PPP1R37: variants seen among roughly 807,000 people sequenced by gnomAD.
PPP1R37 encodes protein phosphatase 1 regulatory subunit 37, also known as leucine rich repeat containing 68.
PPP1R37 carries 21 observed loss-of-function variants against 61.0 expected under a neutral mutation model. The observed-to-expected ratio is 0.34, with a 90% CI of 0.24 to 0.50. The LOEUF is 0.50. Ranked by LOEUF, PPP1R37 falls within the 20% of genes least tolerant of loss-of-function variation. PPP1R37 has a pLI of 0.98. For missense variants in PPP1R37, 910 were observed against 952.7 expected (o/e 0.96, Z 0.59); for synonymous variants, 443 against 433.5 (o/e 1.02, Z -0.27).
intron 1 of PPP1R37, among the ~76,000 whole-genome samples, chr19:45,101,814 G>A (rs887680794): frequency 6.6e-6 from 1 of 152,218 alleles, no homozygotes; most frequent in East Asian, 1.9e-4. Flanking sequence ...CCAGGGAGGG[G>A]CCGTGAGCCA....
Position 45,143,590 on chromosome 19 carries a change from A to C in PPP1R37, c.944A>C (p.Asn315Thr). ...CTGGTGACCCTGGTGCTGTGGAACA[A>C]CCAGCTCACGCACACAGGCATGGCC... The part of the protein sequence containing the change: ...KGLVTLVLWN[N>T]QLTHTGMAFL... The change falls in exon 8 of 13, where the codon AAC (asparagine) becomes ACC (threonine). Residue 315 changes from asparagine to threonine, a missense_variant. Asn to Thr is a moderately conservative substitution (Grantham distance 65). Around this residue, in one of 3 missense-constraint regions of PPP1R37, gnomAD observed 280 missense variants for 382.2 expected, o/e 0.73. Transcript: ENST00000221462. The C allele has an allele frequency of 6.5e-7, 1 of 1,535,934 alleles. No individual in the cohort carries two copies. Among genetic ancestry groups the C allele is most frequent in the Non-Finnish European group, 8.7e-7 (1 of 1,146,748 alleles).
At chr19:45,127,241 C>T (rs138077702) in intron 1 of PPP1R37, among the ~76,000 whole-genome samples, 5 of 150,312 alleles carry the variant, frequency 3.3e-5, no homozygotes, top group African/African-American at 9.8e-5. Flanking sequence ...CTCAGCTACT[C>T]GGAAGGCTGA....
At chr19:45,110,078 A>G (rs1026752079) in intron 1 of PPP1R37, among the ~76,000 whole-genome samples, 1 of 151,844 alleles carries the variant, frequency 6.6e-6, no homozygotes, top group African/African-American at 2.4e-5. Flanking sequence ...AGAATAGACA[A>G]CAATAAATAT....
chr19:45,101,843 G>A (rs577656015), intron 1 of PPP1R37, among the ~76,000 whole-genome samples: 4 of 152,362 alleles, frequency 2.6e-5, no homozygotes, highest in Admixed American at 6.5e-5. Flanking sequence ...GAGGCTGTAG[G>A]CTTGGCGTAG....
At position 45,112,272 on chromosome 19, in the gene PPP1R37, C is replaced by T. The variant is rs888048814; in HGVS notation, c.202+18745C>T. Among the ~76,000 whole-genome samples, 4 of 152,328 alleles carry T rather than the reference C, an allele frequency of 2.6e-5. No homozygotes were observed. The East Asian group carries it at 7.7e-4, about 29-fold the overall frequency. ...TTACAGGCATGGATTCCTTCTGATA[C>T]ATTTCACCTGGAGTGCTGGGATGAC... On this transcript the variant is annotated intron_variant, in intron 1 of 12. Transcript: ENST00000221462.
chr19:45,094,260 A>G (rs2122701125), intron 1 of PPP1R37, among the ~76,000 whole-genome samples: 1 of 152,300 alleles, frequency 6.6e-6, no homozygotes, highest in African/African-American at 2.4e-5. Flanking sequence ...TTGGGATTAC[A>G]GGTGTGAGCC....
chr19:45,104,505 C>A (rs1185933687), intron 1 of PPP1R37, among the ~76,000 whole-genome samples: 7 of 152,230 alleles, frequency 4.6e-5, no homozygotes, highest in South Asian at 2.1e-4. Context: ...TTCATTCCTT[C>A]ATTCCTTGCC....
chr19:45,135,247 C>CA (rs375070231), intron 1 of PPP1R37, among the ~76,000 whole-genome samples: 4 of 150,148 alleles, frequency 2.7e-5, no homozygotes, highest in East Asian at 3.9e-4. Flanking sequence ...AACTCTGTCT[C>CA]AAAAAAAAAG....
Position 45,143,555 on chromosome 19 carries a change from G to A in PPP1R37, c.909G>A (p.Gln303=). ...ACATCTGCGAGGGCCTCAAGGAGCA[G>A]AGGAAGGGGCTGGTGACCCTGGTGC... The part of the protein sequence containing the change: ...LAYICEGLKE[Q]RKGLVTLVLW... Residue 303 remains glutamine (Q), a synonymous_variant, in exon 8 of 13, where the codon CAG becomes CAA. Transcript: ENST00000221462. 1 of 1,535,914 alleles carries A rather than the reference G, an allele frequency of 6.5e-7. No individual in the cohort carries two copies. The highest frequency in any genetic ancestry group is 8.7e-7 in the Non-Finnish European group (1 of 1,146,720).
At chr19:45,104,219 G>GCGC (rs1465309394) in intron 1 of PPP1R37, among the ~76,000 whole-genome samples, 2 of 152,176 alleles carry the variant, frequency 1.3e-5, no homozygotes, top group Non-Finnish European at 2.9e-5. Context: ...GGTTCCCATG[G>GCGC]CGCCTCCTCG....
intron 1 of PPP1R37, among the ~76,000 whole-genome samples, chr19:45,117,322 C>T (rs939019026): frequency 3.9e-5 from 6 of 152,110 alleles, no homozygotes; most frequent in Non-Finnish European, 7.4e-5. Context: ...GACCCGGAGG[C>T]GGGAACAAAC....
intron 1 of PPP1R37, among the ~76,000 whole-genome samples, chr19:45,114,766 T>G (rs1205887008): frequency 2.4e-5 from 2 of 85,002 alleles, no homozygotes; most frequent in African/African-American, 5.9e-5. Flanking sequence ...GGGCAACAAG[T>G]GAGACCCCCC....
chr19:45,099,815 C>G (rs372335791), intron 1 of PPP1R37, among the ~76,000 whole-genome samples: 54 of 152,326 alleles, frequency 3.5e-4, no homozygotes, highest in African/African-American at 1.3e-3. Context: ...TTACAGGAAA[C>G]TTTTTTTGTG....
rs1445024680 is a variant in PPP1R37 at position 45,145,747 on chromosome 19, G to A, written c.1691G>A (p.Arg564Gln). ...CGGATTTCCGTGTCCAGCCCGGGCC[G>A]GGGCCACAAGGTGTTTGTGGTGACC... ...EQRISVSSPGRGHKVFVVTRV... is the reference protein window; with the variant it reads ...EQRISVSSPGQGHKVFVVTRV... The change falls in exon 11 of 13, where the codon CGG (arginine) becomes CAG (glutamine). Residue 564 changes from arginine (R) to glutamine (Q), a missense_variant. Coordinates refer to ENST00000221462, the MANE Select transcript of PPP1R37 (RefSeq NM_019121.2). 7.9e-6 allele frequency: 12 copies of A among 1,527,200 alleles called. No homozygotes were observed. Among genetic ancestry groups the A allele is most frequent in the East Asian group, 4.9e-5 (2 of 40,834 alleles). The allele number at this position is 1,527,200 out of a possible 1,614,324, so 94.6% of individuals were successfully genotyped here. A position where few individuals can be genotyped will look rare whatever the true frequency, so the allele number is the denominator to read the frequency against.
At chr19:45,110,537 C>G (rs935186134) in intron 1 of PPP1R37, among the ~76,000 whole-genome samples, 2 of 152,166 alleles carry the variant, frequency 1.3e-5, no homozygotes, top group African/African-American at 4.8e-5. Flanking sequence ...CTATAATATG[C>G]ATTTTCTTCT....
At chr19:45,133,363 C>T (rs868032812) in intron 1 of PPP1R37, among the ~76,000 whole-genome samples, 8 of 152,224 alleles carry the variant, frequency 5.3e-5, no homozygotes, top group Admixed American at 2.0e-4. Flanking sequence ...GGATTACAGG[C>T]GTGAGCCACC....
At chr19:45,109,198 A>G (rs572346470) in intron 1 of PPP1R37, among the ~76,000 whole-genome samples, 110 of 152,270 alleles carry the variant, frequency 7.2e-4, no homozygotes, top group Non-Finnish European at 1.1e-3. Flanking sequence ...TATTGTGCAG[A>G]TATATTTGTC....
Position 45,146,881 on chromosome 19 carries a change from C to T in PPP1R37, c.*319C>T, listed in dbSNP as rs1968710246. On this transcript the variant is annotated 3_prime_UTR_variant, in exon 13 of 13. Coordinates refer to ENST00000221462, the MANE Select transcript of PPP1R37 (RefSeq NM_019121.2). The stretch of plus-strand genomic sequence containing the variant: ...TTCTGGAGGGGCCAGGCTTGCCCTG[C>T]GGAGGGCAGGCGTCCTGGGTGGTGG... 1 of 179,078 alleles carries T rather than the reference C, an allele frequency of 5.6e-6. No homozygotes were observed. 11.1% of individuals were successfully genotyped at this position (179,078 alleles called of 1,614,324 possible).
At chr19:45,140,632 T>C (rs2041262) in intron 4 of PPP1R37, 26 bp downstream of exon 4, 343,750 of 1,513,116 alleles carry the variant, frequency 0.23, 40,744 homozygotes, top group African/African-American at 0.33. Flanking sequence ...ACCGCCCACT[T>C]GGCTCCCTGA....
Sources: gnomAD v4.1 joint callset for allele counts (sites outside exome capture counted in the v4.1 genomes callset) on GRCh38, gnomAD v4.1.1 for gene constraint, gnomAD v4.1.1 regional missense constraint, MANE v1.5 for transcripts, NCBI Gene and HGNC (gene_info 2026-07-23, HGNC 2026-07-21) for gene names.